CCDC110: variants seen among roughly 807,000 people sequenced by gnomAD.
CCDC110 encodes coiled-coil domain-containing protein 110.
A neutral mutation model predicts 77.1 loss-of-function variants in CCDC110; 70 were observed. The ratio of observed to expected loss-of-function variants is 0.91; its 90% CI spans 0.75 to 1.11. CCDC110 has a LOEUF of 1.11. Among genes scored for constraint, CCDC110 ranks in the 50% least tolerant of loss-of-function variants. CCDC110 has a pLI of 0.00. For missense variants in CCDC110, 868 were observed against 942.9 expected (o/e 0.92, Z 1.04); for synonymous variants, 295 against 312.5 (o/e 0.94, Z 0.59).
rs1216624348 is a variant in CCDC110 at position 185,459,544 on chromosome 4, A to C, written c.1043T>G (p.Met348Arg). ...RKCKKLSKSE[M>R]HRGKKNEKNN... ...TTTCTCATTTTTCTTTCCCCTGTGC[A>C]TTTCACTCTTAGATAACTTTTTACA... Residue 348 changes from methionine (M) to arginine (R), a missense_variant, in exon 6 of 7, where the codon ATG becomes AGG. Transcript: ENST00000307588. 1 of 1,612,960 alleles carries C rather than the reference A, an allele frequency of 6.2e-7. No individual in the cohort carries two copies. The highest frequency in any genetic ancestry group is 1.3e-5 in the African/African-American group (1 of 74,896).
In CCDC110 at chr4:185,459,843, C is replaced by T. The variant is rs1261916665; in HGVS notation, c.744G>A (p.Met248Ile). The stretch of plus-strand genomic sequence containing the variant: ...CATGTGACTTTTGAAGCTCTTCTTT[C>T]ATTTGTTTGATAGAATGGCAAATGT... ...LDDICHSIKQ[M>I]KEELQKSHDG... is the part of the protein sequence containing the mutation. Residue 248 changes from methionine (M) to isoleucine (I), a missense_variant, in exon 6 of 7, where the codon ATG becomes ATA. Coordinates refer to ENST00000307588, the MANE Select transcript of CCDC110 (RefSeq NM_152775.4). The T allele has an allele frequency of 6.2e-7, 1 of 1,613,234 alleles. No homozygotes were observed.
intron 6 of CCDC110, among the ~76,000 whole-genome samples, chr4:185,446,571 T>A (rs1304847250): frequency 6.6e-6 from 1 of 152,158 alleles, no homozygotes; most frequent in East Asian, 1.9e-4. Context: ...TGAAAAAAAA[T>A]TTCTGGGCAT....
chr4:185,450,520 G>A (rs193240275), intron 6 of CCDC110, among the ~76,000 whole-genome samples: 8 of 152,122 alleles, frequency 5.3e-5, no homozygotes, highest in Non-Finnish European at 1.0e-4. Flanking sequence ...AGGCTGAGTC[G>A]GGTGGATCAC....
intron 6 of CCDC110, among the ~76,000 whole-genome samples, chr4:185,450,212 G>C (rs1404641312): frequency 6.6e-6 from 1 of 152,184 alleles, no homozygotes; most frequent in East Asian, 1.9e-4. Flanking sequence ...TAAAGCATCA[G>C]GTTATTTAGC....
chr4:185,446,291 T>A (rs533865717), intron 6 of CCDC110, among the ~76,000 whole-genome samples: 4 of 152,332 alleles, frequency 2.6e-5, no homozygotes, highest in African/African-American at 4.8e-5. Flanking sequence ...CAAAATATGA[T>A]TTTGAATACA....
rs2095665114 is a variant in CCDC110 at position 185,470,972 on chromosome 4, C to T, written c.88G>A (p.Val30Met). 1 of 1,610,552 alleles carries T rather than the reference C, an allele frequency of 6.2e-7. No individual in the cohort carries two copies. Reference protein sequence around the residue: ...ASKILNSSEGVKESGCSDTEY... With the variant: ...ASKILNSSEGMKESGCSDTEY... The stretch of plus-strand genomic sequence containing the variant: ...GTGTCACTGCAGCCACTTTCCTTCA[C>T]CCCCTCCGAAGAATTTAGGATCTTG... Residue 30 changes from valine to methionine, a missense_variant, in exon 2 of 7, where the codon GTG becomes ATG. Val to Met is a conservative substitution (Grantham distance 21). Transcript: ENST00000307588.
chr4:185,471,638 G>A (rs2095668311), intron 1 of CCDC110, 36 bp downstream of exon 1: 1 of 1,551,278 alleles, frequency 6.4e-7, no homozygotes, highest in Non-Finnish European at 8.7e-7. Flanking sequence ...CCGTTCCCGC[G>A]GCTCCCCTAG....
Position 185,445,186 on chromosome 4 carries a change from A to G in CCDC110, c.*316T>C. On this transcript the variant is annotated 3_prime_UTR_variant, in exon 7 of 7. Coordinates refer to ENST00000307588, the MANE Select transcript of CCDC110 (RefSeq NM_152775.4). ...TAAGAAAAAATTGTTTCCAACTTTT[A>G]TACTTCTTCAAAATAGTATCTTTTA... The G allele has an allele frequency of 7.3e-7, 1 of 1,377,604 alleles. No individual in the cohort carries two copies. The highest frequency in any genetic ancestry group is 9.9e-7 in the Non-Finnish European group (1 of 1,005,044). 85.3% of individuals were successfully genotyped at this position (1,377,604 alleles called of 1,614,324 possible).
At chr4:185,451,123 T>C (rs1286591319) in intron 6 of CCDC110, among the ~76,000 whole-genome samples, 1 of 152,192 alleles carries the variant, frequency 6.6e-6, no homozygotes, top group Non-Finnish European at 1.5e-5. Flanking sequence ...TTGATTCTGA[T>C]TCTCTCTTTT....
At chr4:185,449,455 T>A in intron 6 of CCDC110, 1 of 514,780 alleles carries the variant, frequency 1.9e-6, no homozygotes, top group Non-Finnish European at 3.5e-6. Context: ...CCTAGGAGGT[T>A]GAGGTTGCAG....
chr4:185,452,289 A>G (rs2095630304), intron 6 of CCDC110: 21 of 985,442 alleles, frequency 2.1e-5, no homozygotes, highest in Non-Finnish European at 2.5e-5. Context: ...TCCATCGTCA[A>G]TGAGTAATGG....
intron 6 of CCDC110, among the ~76,000 whole-genome samples, chr4:185,446,231 C>A (rs1293776604): frequency 6.6e-6 from 1 of 152,190 alleles, no homozygotes; most frequent in African/African-American, 2.4e-5. Flanking sequence ...AATTACTTAA[C>A]ATTTTTATGA....
chr4:185,458,888 T>G lies in CCDC110; in HGVS notation c.1699A>C (p.Met567Leu). 6.2e-7 allele frequency: 1 copy of G among 1,607,192 alleles called. No individual in the cohort carries two copies. The highest frequency in any genetic ancestry group is 8.5e-7 in the Non-Finnish European group (1 of 1,178,510). ...MAIVNNENNR[M>L]SIEMEAMKTN... is the part of the protein sequence containing the mutation. ...TTCATTGCTTCCATTTCTATACTCA[T>G]TCGATTATTTTCATTATTTACAATG... Residue 567 changes from methionine (M) to leucine (L), a missense_variant, in exon 6 of 7, where the codon ATG (methionine) becomes CTG (leucine). By Grantham distance (15) the Met-to-Leu change is conservative. Transcript: ENST00000307588.
In CCDC110 at chr4:185,452,125, G is replaced by A. The variant is rs1266229443; in HGVS notation, c.2461+6001C>T. On this transcript the variant is annotated intron_variant, in intron 6 of 6. Transcript: ENST00000307588. ...GCCCATGGATTGTTTTCTTACAATT[G>A]TTGTCTCTTCTTTTAACTTTGAAAA... 14 of 879,026 alleles carry A rather than the reference G, an allele frequency of 1.6e-5. No homozygotes were observed. The East Asian group carries it at 1.5e-3, about 91-fold the overall frequency. 54.5% of individuals were successfully genotyped at this position (879,026 alleles called of 1,614,324 possible). A position where few individuals can be genotyped will look rare whatever the true frequency, so the allele number is the denominator to read the frequency against.
chr4:185,462,425 A>G (rs2095648091), intron 4 of CCDC110, among the ~76,000 whole-genome samples: 1 of 152,238 alleles, frequency 6.6e-6, no homozygotes, highest in South Asian at 2.1e-4. Context: ...TATTGAAAAA[A>G]TCAGCGAGTG....
At position 185,459,366 on chromosome 4, in the gene CCDC110, T is replaced by G; in HGVS notation, c.1221A>C (p.Ile407=). Residue 407 remains isoleucine (I), a synonymous_variant, in exon 6 of 7, where the codon ATA becomes ATC. Coordinates refer to ENST00000307588, the MANE Select transcript of CCDC110 (RefSeq NM_152775.4). ...TGGAAGTTTTCTCATTTTCAGATAT[T>G]ATTGATCCTTGTTTTACTAGAAATG... is the stretch of plus-strand genomic sequence containing the variant. The part of the protein sequence containing the change: ...RQPFLVKQGS[I]ISENEKTSKV... 1 of 1,612,016 alleles carries G rather than the reference T, an allele frequency of 6.2e-7. No individual in the cohort carries two copies. The highest frequency in any genetic ancestry group is 8.5e-7 in the Non-Finnish European group (1 of 1,179,218).
chr4:185,462,578 C>A, intron 4 of CCDC110, 65 bp downstream of exon 4: 1 of 1,234,424 alleles, frequency 8.1e-7, no homozygotes, highest in Non-Finnish European at 1.2e-6. Context: ...TAGTGACCAT[C>A]AGCTTAGAAG....
At chr4:185,461,980 C>T (rs543212721) in intron 4 of CCDC110, among the ~76,000 whole-genome samples, 1 of 152,270 alleles carries the variant, frequency 6.6e-6, no homozygotes, top group Non-Finnish European at 1.5e-5. Context: ...CACCTGTAAT[C>T]CCAGCTACTC....
Position 185,459,184 on chromosome 4 carries a change from G to A in CCDC110, c.1403C>T (p.Ser468Phe). The change falls in exon 6 of 7, where the codon TCT becomes TTT. Residue 468 changes from serine to phenylalanine, a missense_variant. Coordinates refer to ENST00000307588, the MANE Select transcript of CCDC110 (RefSeq NM_152775.4). ...ATATGTTTCAACTTTCTGTATGAGA[G>A]ATTGTGTGGTAAAGATAAGAGGTTT... is the stretch of plus-strand genomic sequence containing the variant. ...KMKPLIFTTQ[S>F]LIQKVETYEK... 6.2e-7 allele frequency: 1 copy of A among 1,601,054 alleles called. No homozygotes were observed. The highest frequency in any genetic ancestry group is 1.1e-5 in the South Asian group (1 of 87,816).
Sources: gnomAD v4.1 joint callset for allele counts (sites outside exome capture counted in the v4.1 genomes callset) on GRCh38, gnomAD v4.1.1 for gene constraint, MANE v1.5 for transcripts, NCBI Gene and HGNC (gene_info 2026-07-23, HGNC 2026-07-21) for gene names.